The following MYRIP variants were observed in gnomAD, a reference collection of about 807,000 sequenced individuals.
MYRIP encodes the protein myosin VIIA and Rab interacting protein.
Under a neutral mutation model 98.0 loss-of-function variants are expected in MYRIP, and 49 were observed. The observed-to-expected ratio is 0.50, with a 90% CI of 0.40 to 0.63. The LOEUF is 0.63. Ranked by LOEUF, MYRIP falls within the 30% of genes least tolerant of loss-of-function variation. The pLI, the probability that MYRIP is intolerant of heterozygous loss-of-function variation, is 0.00. For missense variants in MYRIP, 1,004 were observed against 1,058.2 expected, an observed-to-expected ratio of 0.95 and a Z score of 0.71; for synonymous variants, 404 against 409.5, an observed-to-expected ratio of 0.99 and a Z score of 0.16.
chr3:39,981,152 C>T (rs764594328), intron 2 of MYRIP, among the ~76,000 whole-genome samples: 22 of 152,258 alleles, frequency 1.4e-4, no homozygotes, highest in Non-Finnish European at 2.8e-4. Flanking sequence ...TCCAGAGAAA[C>T]CTCTTGCCTT....
At chr3:40,211,279 T>A (rs142328598) in intron 11 of MYRIP, among the ~76,000 whole-genome samples, 1 of 152,186 alleles carries the variant, frequency 6.6e-6, no homozygotes, top group African/African-American at 2.4e-5. Context: ...AAGTATATAC[T>A]GTGTAAACTA....
chr3:40,096,494 T>C (rs1387822014), intron 3 of MYRIP, among the ~76,000 whole-genome samples: 1 of 152,130 alleles, frequency 6.6e-6, no homozygotes, highest in Non-Finnish European at 1.5e-5. Context: ...TACAGGTAAT[T>C]TTGAGTTCAT....
At chr3:39,993,091 G>A (rs1019914728) in intron 2 of MYRIP, among the ~76,000 whole-genome samples, 9 of 152,156 alleles carry the variant, frequency 5.9e-5, no homozygotes, top group African/African-American at 2.2e-4. Context: ...AGTATGGCCA[G>A]TCCAAGATTG....
At chr3:40,250,348 T>A (rs199997710) in intron 14 of MYRIP, 22 bp downstream of exon 14, 46 of 1,613,074 alleles carry the variant, frequency 2.9e-5, no homozygotes, top group Non-Finnish European at 3.6e-5. Flanking sequence ...CCTTTCTCCC[T>A]CTGTTGGAAT....
At chr3:39,858,528 T>C (rs1347044674) in intron 1 of MYRIP, among the ~76,000 whole-genome samples, 1 of 152,124 alleles carries the variant, frequency 6.6e-6, no homozygotes, top group African/African-American at 2.4e-5. Flanking sequence ...AATAACACTA[T>C]AGACCAAATG....
At chr3:40,192,096 CT>C (rs1037384575) in intron 10 of MYRIP, among the ~76,000 whole-genome samples, 2 of 147,612 alleles carry the variant, frequency 1.4e-5, no homozygotes, top group African/African-American at 5.2e-5. Context: ...CATCAAAACC[CT>C]GATGGGTTTT....
At chr3:39,875,855 G>T (rs1575331102) in intron 1 of MYRIP, among the ~76,000 whole-genome samples, 1 of 151,948 alleles carries the variant, frequency 6.6e-6, no homozygotes, top group Admixed American at 6.5e-5. Context: ...TGTCTATTAG[G>T]TGCACTTGGT....
At chr3:40,220,020 T>C (rs1391975627) in intron 11 of MYRIP, among the ~76,000 whole-genome samples, 114 of 147,878 alleles carry the variant, frequency 7.7e-4, no homozygotes, top group African/African-American at 2.8e-3. Flanking sequence ...TTTTAATGAT[T>C]GCCATTCTAA....
At chr3:39,833,275 C>T (rs1004266509) in intron 1 of MYRIP, among the ~76,000 whole-genome samples, 9 of 151,980 alleles carry the variant, frequency 5.9e-5, no homozygotes, top group East Asian at 1.9e-4. Context: ...ATATCTTTCG[C>T]GTTTTATAAA....
chr3:39,889,297 A>G (rs1943412467), intron 1 of MYRIP, among the ~76,000 whole-genome samples: 1 of 152,328 alleles, frequency 6.6e-6, no homozygotes, highest in African/African-American at 2.4e-5. Flanking sequence ...CAACAACGAT[A>G]GACTGGATTA....
chr3:40,038,117 G>C (rs1020957735), intron 2 of MYRIP, among the ~76,000 whole-genome samples: 2 of 77,036 alleles, frequency 2.6e-5, no homozygotes, highest in Non-Finnish European at 6.0e-5. Context: ...GAGACGCTCT[G>C]ATCAAAATGT....
intron 3 of MYRIP, among the ~76,000 whole-genome samples, chr3:40,077,859 G>A (rs556299221): frequency 2.0e-5 from 3 of 152,372 alleles, no homozygotes; most frequent in Non-Finnish European, 2.9e-5. Flanking sequence ...AGTGGATCCC[G>A]CACCGGGGCT....
At chr3:40,021,170 C>G (rs1327575072) in intron 2 of MYRIP, among the ~76,000 whole-genome samples, 1 of 152,108 alleles carries the variant, frequency 6.6e-6, no homozygotes, top group Non-Finnish European at 1.5e-5. Flanking sequence ...TTTTAAGATG[C>G]TTTTAAAAAA....
chr3:40,159,849 C>A (rs528951088), intron 4 of MYRIP, among the ~76,000 whole-genome samples: 81 of 152,204 alleles, frequency 5.3e-4, no homozygotes, highest in Non-Finnish European at 9.7e-4. Flanking sequence ...GCTCCACCAG[C>A]TCCTTTAAGC....
At position 39,873,055 on chromosome 3, in the gene MYRIP, T is replaced by C. The variant is rs569807959; in HGVS notation, c.-30-27732T>C. On this transcript the variant is annotated intron_variant, in intron 1 of 16. Coordinates refer to ENST00000302541, the MANE Select transcript of MYRIP (RefSeq NM_015460.4). ...CTAACTGGTGTGAGATGATATCTCA[T>C]TGTGGTTTTGATTTGCATTTCTCTG... is the stretch of plus-strand genomic sequence containing the variant. Among the ~76,000 whole-genome samples, 284 of 152,326 alleles carry C rather than the reference T, an allele frequency of 1.9e-3. 1 individual carries two copies. Among genetic ancestry groups the C allele is most frequent in the African/African-American group, 5.9e-3 (244 of 41,592 alleles).
At chr3:40,063,904 C>A (rs894999437) in intron 3 of MYRIP, among the ~76,000 whole-genome samples, 2 of 152,074 alleles carry the variant, frequency 1.3e-5, no homozygotes, top group Non-Finnish European at 2.9e-5. Flanking sequence ...CTCAGGGAGC[C>A]CAGTGGCTAG....
chr3:40,044,578 G>C (rs756315930), intron 3 of MYRIP, among the ~76,000 whole-genome samples: 1 of 152,098 alleles, frequency 6.6e-6, no homozygotes, highest in Non-Finnish European at 1.5e-5. Context: ...CCTTTCGTTC[G>C]TTCATTGCAT....
At chr3:40,019,061 A>G (rs868011226) in intron 2 of MYRIP, among the ~76,000 whole-genome samples, 2 of 152,006 alleles carry the variant, frequency 1.3e-5, no homozygotes, top group East Asian at 1.9e-4. Context: ...GTTTTAACTA[A>G]TGTCTCTCCT....
Position 39,918,252 on chromosome 3 carries a change from G to A in MYRIP, c.110+17326G>A, listed in dbSNP as rs550175463. 9.4e-4 allele frequency among the ~76,000 whole-genome samples: 143 copies of A among 152,272 alleles called. 1 individual carries two copies. Among genetic ancestry groups the A allele is most frequent in the South Asian group, 7.1e-3 (34 of 4,818 alleles). ...TTTAAAAATCTATATTCCCAAGGAG[G>A]CCAGCATCAAATTTGTGCTCAAATA... On this transcript the variant is annotated intron_variant, in intron 2 of 16. Transcript: ENST00000302541.
Sources: allele counts gnomAD v4.1 joint callset (sites outside exome capture counted in the v4.1 genomes callset), GRCh38; gene constraint gnomAD v4.1.1; transcripts MANE v1.5; gene names NCBI Gene and HGNC (gene_info 2026-07-23, HGNC 2026-07-21).